The following TEAD1 variants were observed in gnomAD, a reference collection of about 807,000 sequenced individuals.
TEAD1 encodes TEA domain transcription factor 1.
In TEAD1, 9 loss-of-function variants were observed where a neutral mutation model predicts 54.9. The ratio of observed to expected loss-of-function variants is 0.16; its 90% CI spans 0.10 to 0.29. The LOEUF (loss-of-function observed/expected upper bound fraction) is 0.29. Ranked by LOEUF, TEAD1 falls within the 10% of genes least tolerant of loss-of-function variation. The probability of loss-of-function intolerance (pLI) is 1.00; values close to 1 mark genes in which losing one functional copy is unlikely to be tolerated. For missense variants in TEAD1, 387 were observed against 535.9 expected (o/e 0.72, Z 2.74); for synonymous variants, 200 against 187.8 (o/e 1.07, Z -0.53).
At chr11:12,927,386 G>A (rs751493807) in intron 11 of TEAD1, among the ~76,000 whole-genome samples, 5 of 152,128 alleles carry the variant, frequency 3.3e-5, no homozygotes, top group Non-Finnish European at 4.4e-5. Flanking sequence ...GAGTCCCACT[G>A]TTCTATTCCA....
intron 2 of TEAD1, among the ~76,000 whole-genome samples, chr11:12,737,837 C>G (rs755659739): frequency 6.6e-6 from 1 of 152,102 alleles, no homozygotes; most frequent in Non-Finnish European, 1.5e-5. Flanking sequence ...TCCATTTTTA[C>G]GCTGCTGATA....
At chr11:12,864,563 C>A in intron 4 of TEAD1, 1 of 759,320 alleles carries the variant, frequency 1.3e-6, no homozygotes, top group Non-Finnish European at 1.9e-6. Context: ...TAACCACCCC[C>A]CAACCCCACC....
intron 2 of TEAD1, among the ~76,000 whole-genome samples, chr11:12,717,735 T>A (rs1590080039): frequency 6.6e-6 from 1 of 152,184 alleles, no homozygotes; most frequent in African/African-American, 2.4e-5. Context: ...CCCAGGCCCC[T>A]GGCAGGTTTG....
intron 5 of TEAD1, among the ~76,000 whole-genome samples, chr11:12,875,494 C>T (rs925191261): frequency 6.6e-6 from 1 of 152,140 alleles, no homozygotes; most frequent in Non-Finnish European, 1.5e-5. Flanking sequence ...TTCAAGATAT[C>T]CCTGGTGGTG....
intron 10 of TEAD1, among the ~76,000 whole-genome samples, chr11:12,908,341 A>G (rs777523025): frequency 6.6e-6 from 1 of 152,130 alleles, no homozygotes; most frequent in Non-Finnish European, 1.5e-5. Context: ...TCAATCCTTA[A>G]TTGGTCATTC....
intron 2 of TEAD1, among the ~76,000 whole-genome samples, chr11:12,748,107 A>AC (rs1384240684): frequency 6.6e-6 from 1 of 151,848 alleles, no homozygotes; most frequent in Non-Finnish European, 1.5e-5. Flanking sequence ...GACTACAGGC[A>AC]CCCGTCACCA....
intron 3 of TEAD1, among the ~76,000 whole-genome samples, chr11:12,767,023 TGGAAG>T (rs964981286): frequency 8.5e-5 from 13 of 152,088 alleles, no homozygotes; most frequent in Non-Finnish European, 1.8e-4. Flanking sequence ...ACTGCTACCT[TGGAAG>T]GGAACCATGG....
At chr11:12,748,041 A>C (rs929577292) in intron 2 of TEAD1, among the ~76,000 whole-genome samples, 1 of 151,010 alleles carries the variant, frequency 6.6e-6, no homozygotes, top group Non-Finnish European at 1.5e-5. Flanking sequence ...GGCTCACTGC[A>C]ACCTCCACCT....
intron 3 of TEAD1, among the ~76,000 whole-genome samples, chr11:12,772,857 G>T (rs1414598329): frequency 6.6e-6 from 1 of 152,160 alleles, no homozygotes; most frequent in African/African-American, 2.4e-5. Context: ...ACTACTTGTT[G>T]TGTGTTAGTC....
chr11:12,904,946 C>T, intron 10 of TEAD1: 1 of 261,706 alleles, frequency 3.8e-6, no homozygotes, highest in Non-Finnish European at 7.9e-6. Flanking sequence ...CTGTCTGGTA[C>T]ATCAATAATT....
At chr11:12,698,290 G>GCT (rs924667688) in intron 2 of TEAD1, among the ~76,000 whole-genome samples, 1 of 151,946 alleles carries the variant, frequency 6.6e-6, no homozygotes. Flanking sequence ...TCCTTGCTGC[G>GCT]CTCTCTCTTT....
At chr11:12,790,384 C>A (rs1177466139) in intron 3 of TEAD1, among the ~76,000 whole-genome samples, 1 of 152,204 alleles carries the variant, frequency 6.6e-6, no homozygotes, top group Non-Finnish European at 1.5e-5. Context: ...GTGAACTTTT[C>A]AAGGGTGATT....
intron 2 of TEAD1, among the ~76,000 whole-genome samples, chr11:12,762,682 A>C (rs908564057): frequency 6.6e-6 from 1 of 152,198 alleles, no homozygotes; most frequent in Non-Finnish European, 1.5e-5. Context: ...GGAAGAAGCC[A>C]AAAGTGCCCA....
intron 2 of TEAD1, among the ~76,000 whole-genome samples, chr11:12,726,426 G>A (rs1944313636): frequency 1.3e-5 from 2 of 152,334 alleles, no homozygotes; most frequent in African/African-American, 2.4e-5. Context: ...GTTGCTCTAG[G>A]CCTGTGCTGT....
chr11:12,807,149 G>T (rs1283343159), intron 3 of TEAD1, among the ~76,000 whole-genome samples: 1 of 152,014 alleles, frequency 6.6e-6, no homozygotes. Flanking sequence ...TTTTTGCAAA[G>T]GCACTTTGGA....
At chr11:12,754,841 C>A (rs1219008599) in intron 2 of TEAD1, among the ~76,000 whole-genome samples, 1 of 152,196 alleles carries the variant, frequency 6.6e-6, no homozygotes, top group African/African-American at 2.4e-5. Context: ...TATTGCTTCT[C>A]TCCCCAACCC....
chr11:12,824,193 C>G (rs977969900), intron 3 of TEAD1, among the ~76,000 whole-genome samples: 2 of 152,196 alleles, frequency 1.3e-5, no homozygotes, highest in Non-Finnish European at 2.9e-5. Flanking sequence ...TCCACTCATC[C>G]TTCCTTATCA....
intron 4 of TEAD1, chr11:12,864,609 G>T: frequency 8.1e-5 from 66 of 814,164 alleles, no homozygotes; most frequent in Middle Eastern, 4.5e-4. Flanking sequence ...TTTTATATTT[G>T]ATTTCCTTTT....
rs1287755717 is a variant in TEAD1 at position 12,944,097 on chromosome 11, G to C, written c.*6875G>C. 33 of 152,570 alleles carry C rather than the reference G, an allele frequency of 2.2e-4. No homozygotes were observed. Among genetic ancestry groups the C allele is most frequent in the Admixed American group, 2.2e-3 (33 of 15,268 alleles). 9.5% of individuals were successfully genotyped at this position (152,570 alleles called of 1,614,324 possible). On this transcript the variant is annotated 3_prime_UTR_variant, in exon 13 of 13. Coordinates refer to ENST00000527636, the MANE Select transcript of TEAD1 (RefSeq NM_021961.6). ...GGATTCTCACGGTCTGTGTCTTTGTGTCACGTGTATAAAATGGGCTTGTGA... is the reference window on the plus strand; with the variant it reads ...GGATTCTCACGGTCTGTGTCTTTGTCTCACGTGTATAAAATGGGCTTGTGA...
Sources: allele counts gnomAD v4.1 joint callset (sites outside exome capture counted in the v4.1 genomes callset), GRCh38; gene constraint gnomAD v4.1.1; transcripts MANE v1.5; gene names NCBI Gene and HGNC (gene_info 2026-07-23, HGNC 2026-07-21).